Variants in KMT2A observed in about 807,000 individuals in gnomAD.
KMT2A encodes lysine methyltransferase 2A, also known as histone-lysine N-methyltransferase 2A.
In KMT2A, 16 loss-of-function variants were observed where a neutral mutation model predicts 345.3. The observed-to-expected ratio is 0.05, with a 90% confidence interval of 0.03 to 0.07. KMT2A has a LOEUF of 0.07. KMT2A is among the 10% of genes least tolerant of loss of function. The pLI, the probability that KMT2A is intolerant of heterozygous loss-of-function variation, is 1.00. For synonymous variants in KMT2A, 1,599 were observed against 1,778.6 expected (o/e 0.90, Z 2.54); for missense variants, 3,272 against 4,841.6 (o/e 0.68, Z 9.62).
intron 10 of KMT2A, among the ~76,000 whole-genome samples, chr11:118,486,637 C>T (rs543935101): frequency 6.6e-6 from 1 of 152,136 alleles, no homozygotes; most frequent in South Asian, 2.1e-4. Context: ...CTTTGGGAGG[C>T]TGACGCAGGA....
chr11:118,447,844 G>A, intron 1 of KMT2A: 1 of 253,470 alleles, frequency 3.9e-6, no homozygotes, highest in Non-Finnish European at 8.1e-6. Context: ...GAGAAAATAG[G>A]TTTAAACCGA....
rs115463365 is a variant in KMT2A at position 118,515,969 on chromosome 11, C to T, written c.11147-3649C>T. ...TCCCAAAGCGCTGAGAGTACAGGTA[C>T]CCAGCCCCATGTCCATTTCTAAGCC... is the stretch of plus-strand genomic sequence containing the variant. On this transcript the variant is annotated intron_variant, in intron 31 of 35. Coordinates refer to ENST00000534358, the MANE Select transcript of KMT2A (RefSeq NM_001197104.2). Among the ~76,000 whole-genome samples the T allele has an allele frequency of 3.7e-3, 569 of 151,968 alleles. 3 individuals are homozygous for T. Among genetic ancestry groups the T allele is most frequent in the African/African-American group, 0.013 (524 of 41,456 alleles).
rs367948360 is a variant in KMT2A, at chr11:118,480,242, G to A, written c.3634+4G>A. 2.1e-4 allele frequency: 332 copies of A among 1,612,534 alleles called. No individual in the cohort carries two copies. The highest frequency in any genetic ancestry group is 2.7e-4 in the Non-Finnish European group (324 of 1,178,732). On this transcript the variant is annotated splice_donor_region_variant and intron_variant, in intron 6 of 35. Transcript: ENST00000534358. ...TACCTGCAGAAGCAAGCTAAAGGTA[G>A]TGTTGTTAAAAAGGTCTTCCCCCAA...
chr11:118,478,289 A>G, intron 5 of KMT2A, 88 bp downstream of exon 5: 1 of 977,196 alleles, frequency 1.0e-6, no homozygotes, highest in Admixed American at 2.2e-5. Flanking sequence ...ATACATCAGG[A>G]AACTGAATGT....
intron 31 of KMT2A, among the ~76,000 whole-genome samples, chr11:118,515,952 C>T (rs781949543): frequency 2.6e-4 from 40 of 152,112 alleles, no homozygotes; most frequent in African/African-American, 8.7e-4. Flanking sequence ...CCTCCCAAAG[C>T]GCTGAGAGTA....
Position 118,498,307 on chromosome 11 carries a change from G to T in KMT2A, c.5803-63G>T. 1 of 1,466,194 alleles carries T rather than the reference G, an allele frequency of 6.8e-7. No individual in the cohort carries two copies. The highest frequency in any genetic ancestry group is 1.3e-5 in the South Asian group (1 of 79,804). 90.8% of individuals were successfully genotyped at this position (1,466,194 alleles called of 1,614,324 possible). On this transcript the variant is annotated intron_variant, in intron 21 of 35. Transcript: ENST00000534358. The surrounding 1 kb of genome is among the most constrained non-coding windows in gnomAD (Gnocchi z 4.4). ...TAGAATGGGATGAGTCTATAGAGGA[G>T]ACGGTAAACGTCTTAAAACATATGA...
chr11:118,451,958 C>T (rs1158518500), intron 1 of KMT2A, among the ~76,000 whole-genome samples: 4 of 152,118 alleles, frequency 2.6e-5, no homozygotes, highest in Non-Finnish European at 4.4e-5. Flanking sequence ...TCTTCATTTA[C>T]GGATTTAGTG....
intron 1 of KMT2A, among the ~76,000 whole-genome samples, chr11:118,441,892 CTT>C (rs1291122222): frequency 6.6e-6 from 1 of 152,210 alleles, no homozygotes; most frequent in African/African-American, 2.4e-5. Context: ...ATTCTCATCT[CTT>C]TGCTCACCTT....
chr11:118,487,517 C>T (rs1555041198), intron 10 of KMT2A, among the ~76,000 whole-genome samples: 1 of 151,974 alleles, frequency 6.6e-6, no homozygotes, highest in African/African-American at 2.4e-5. Context: ...ACCCAAATTC[C>T]CTAAGTGTTA....
chr11:118,475,789 C>T (rs1950026973), intron 3 of KMT2A, among the ~76,000 whole-genome samples: 1 of 152,128 alleles, frequency 6.6e-6, no homozygotes, highest in Non-Finnish European at 1.5e-5. Flanking sequence ...ACTAATTCTG[C>T]CAGTTGAGAA....
chr11:118,501,528 G>T, intron 25 of KMT2A, 144 bp from the exon 26 acceptor site: 1 of 663,854 alleles, frequency 1.5e-6, no homozygotes, highest in Non-Finnish European at 2.5e-6. Context: ...TACTATGATT[G>T]AAAGCTGGGG....
chr11:118,482,322 G>GTTTTTT, intron 7 of KMT2A, 100 bp from the exon 8 acceptor site: 7 of 678,966 alleles, frequency 1.0e-5, no homozygotes, highest in East Asian at 3.1e-5. Context: ...AGTTTAAATA[G>GTTTTTT]TTTTTTTTTT....
At chr11:118,487,044 A>G (rs1284734097) in intron 10 of KMT2A, among the ~76,000 whole-genome samples, 2 of 152,178 alleles carry the variant, frequency 1.3e-5, no homozygotes, top group African/African-American at 4.8e-5. Context: ...ATTGCCTACT[A>G]TTCATTTACT....
Position 118,436,949 on chromosome 11 carries a change from G to T in KMT2A, c.432+5G>T. The T allele has an allele frequency of 6.7e-7, 1 of 1,488,266 alleles. No individual in the cohort carries two copies. Among genetic ancestry groups the T allele is most frequent in the Non-Finnish European group, 9.0e-7 (1 of 1,112,626 alleles). The allele number at this position is 1,488,266 out of a possible 1,614,324, so 92.2% of individuals were successfully genotyped here. A position where few individuals can be genotyped will look rare whatever the true frequency, so the allele number is the denominator to read the frequency against. On this transcript the variant is annotated splice_donor_5th_base_variant and intron_variant, in intron 1 of 35. Transcript: ENST00000534358. The surrounding 1 kb of genome is among the most constrained non-coding windows in gnomAD (Gnocchi z 6.9). ...GGGGGAGGCGGCAGCGGAGAGGTAA[G>T]GGGGCGAGGAACCCCCAGGTCCGGG...
intron 10 of KMT2A, among the ~76,000 whole-genome samples, chr11:118,487,130 G>A (rs1297740893): frequency 1.3e-5 from 2 of 152,154 alleles, no homozygotes; most frequent in Non-Finnish European, 2.9e-5. Context: ...CATTGAGACT[G>A]AGAATATTCA....
In KMT2A at chr11:118,497,592, C is replaced by T. The variant is rs1355742545; in HGVS notation, c.5665-344C>T. Among the ~76,000 whole-genome samples, 2 of 151,442 alleles carry T rather than the reference C, an allele frequency of 1.3e-5. No individual in the cohort carries two copies. The highest frequency in any genetic ancestry group is 6.6e-5 in the Admixed American group (1 of 15,220). On this transcript the variant is annotated intron_variant, in intron 20 of 35. Transcript: ENST00000534358. The surrounding 1 kb of genome is among the most constrained non-coding windows in gnomAD (Gnocchi z 4.8). The stretch of plus-strand genomic sequence containing the variant: ...TGTTTTGTTTTTGTTGAGACAAAGT[C>T]TCCCTATGTTGCCCAGGCTGGTCTC...
chr11:118,477,933 C>A (rs2134286243), intron 4 of KMT2A, 34 bp from the exon 5 acceptor site: 1 of 1,542,424 alleles, frequency 6.5e-7, no homozygotes, highest in Non-Finnish European at 8.9e-7. Flanking sequence ...GAATTCAGTA[C>A]TCCCTTGGAA....
Position 118,465,598 on chromosome 11 carries a change from GTCT to G in KMT2A, c.433-3176_433-3174del, listed in dbSNP as rs1195445055. On this transcript the variant is annotated intron_variant, in intron 1 of 35. Transcript: ENST00000534358. ...TAAGTGAGTTGTCTAAGATTACATA[GTCT>G]GAGAGAATCAGACTGAGACCCTAAA... Among the ~76,000 whole-genome samples the G allele has an allele frequency of 3.9e-5, 6 of 152,214 alleles. No individual in the cohort carries two copies. In the East Asian group the frequency reaches 1.2e-3, roughly 29 times the overall value.
At chr11:118,512,825 C>T (rs1233739229) in intron 31 of KMT2A, among the ~76,000 whole-genome samples, 1 of 150,802 alleles carries the variant, frequency 6.6e-6, no homozygotes, top group African/African-American at 2.4e-5. Context: ...TTATTTTAGA[C>T]ATTGTAGTGT....
Sources: gnomAD v4.1 joint callset for allele counts (sites outside exome capture counted in the v4.1 genomes callset) on GRCh38, gnomAD v4.1.1 for gene constraint, Gnocchi (gnomAD v3.1) non-coding constraint, MANE v1.5 for transcripts, NCBI Gene and HGNC (gene_info 2026-07-23, HGNC 2026-07-21) for gene names.